Variants in CD2AP observed in about 807,000 individuals in gnomAD.
CD2AP encodes the protein CD2 associated protein.
A neutral mutation model predicts 85.1 loss-of-function variants in CD2AP; 46 were observed. The ratio of observed to expected loss-of-function variants is 0.54; its 90% CI spans 0.43 to 0.69. The LOEUF is 0.69. CD2AP is among the 30% of genes least tolerant of loss of function. CD2AP has a pLI of 0.00. For missense variants in CD2AP, 769 were observed against 729.5 expected (o/e 1.05, Z -0.62); for synonymous variants, 255 against 252.9 (o/e 1.01, Z -0.08).
At chr6:47,563,325 A>C (rs1767911533) in intron 5 of CD2AP, among the ~76,000 whole-genome samples, 1 of 152,244 alleles carries the variant, frequency 6.6e-6, no homozygotes, top group Admixed American at 6.5e-5. Context: ...AGATATTTCT[A>C]AATGTAATAC....
chr6:47,607,861 CAA>C, intron 14 of CD2AP, 64 bp from the exon 15 acceptor site: 1 of 1,072,790 alleles, frequency 9.3e-7, no homozygotes, highest in Non-Finnish European at 1.4e-6. Flanking sequence ...CTTTATTATC[CAA>C]AGACTTACTA....
intron 1 of CD2AP, among the ~76,000 whole-genome samples, chr6:47,485,509 TAAA>T: frequency 6.6e-6 from 1 of 152,304 alleles, no homozygotes; most frequent in African/African-American, 2.4e-5. Flanking sequence ...ACAAAAAAGT[TAAA>T]AAATTTATAA....
intron 4 of CD2AP, among the ~76,000 whole-genome samples, chr6:47,549,538 A>T (rs1188228489): frequency 6.6e-6 from 1 of 151,924 alleles, no homozygotes; most frequent in African/African-American, 2.4e-5. Context: ...AAGAAAAACT[A>T]CAAAAACCTG....
In CD2AP at chr6:47,624,263, T is replaced by C; in HGVS notation, c.*36T>C. 3 of 1,558,832 alleles carry C rather than the reference T, an allele frequency of 1.9e-6. No individual in the cohort carries two copies. The highest frequency in any genetic ancestry group is 2.7e-6 in the Non-Finnish European group (3 of 1,130,236). On this transcript the variant is annotated 3_prime_UTR_variant, in exon 18 of 18. Transcript: ENST00000359314. ...CCTGGTGTTCATAATGTTCCAGGGA[T>C]TCAGAAGCAACGCTATGAACTTCAG... is the stretch of plus-strand genomic sequence containing the variant.
intron 1 of CD2AP, among the ~76,000 whole-genome samples, chr6:47,502,807 A>G (rs1562005722): frequency 6.6e-6 from 1 of 151,908 alleles, no homozygotes. Context: ...TCCTGAGTTT[A>G]AGTGATCTGT....
At chr6:47,617,484 G>T (rs912385624) in intron 17 of CD2AP, among the ~76,000 whole-genome samples, 5 of 152,046 alleles carry the variant, frequency 3.3e-5, no homozygotes, top group African/African-American at 1.2e-4. Context: ...CTTAGATTTA[G>T]CATGTCCCCA....
At chr6:47,584,715 C>T (rs1333118419) in intron 11 of CD2AP, among the ~76,000 whole-genome samples, 1 of 151,902 alleles carries the variant, frequency 6.6e-6, no homozygotes, top group Non-Finnish European at 1.5e-5. Flanking sequence ...AAATATGCTG[C>T]ACAAACAATT....
At chr6:47,546,165 A>G (rs1213449984) in intron 4 of CD2AP, among the ~76,000 whole-genome samples, 1 of 152,192 alleles carries the variant, frequency 6.6e-6, no homozygotes, top group Non-Finnish European at 1.5e-5. Flanking sequence ...ATAAAAAATA[A>G]TCAAAACTTC....
chr6:47,531,683 A>G (rs868766790), intron 2 of CD2AP, among the ~76,000 whole-genome samples: 2 of 152,042 alleles, frequency 1.3e-5, no homozygotes, highest in Non-Finnish European at 1.5e-5. Context: ...TTAAAAAACT[A>G]TAGCTAGTAA....
chr6:47,526,960 T>C (rs1217867837), intron 2 of CD2AP, among the ~76,000 whole-genome samples: 1 of 152,158 alleles, frequency 6.6e-6, no homozygotes, highest in Non-Finnish European at 1.5e-5. Flanking sequence ...GTGAGGTTGA[T>C]GGGTGTTATT....
intron 1 of CD2AP, among the ~76,000 whole-genome samples, chr6:47,491,261 G>A (rs1015052994): frequency 1.4e-4 from 16 of 114,366 alleles, no homozygotes; most frequent in Non-Finnish European, 1.9e-4. Context: ...TTCCTGATAT[G>A]TGTGTGTGTA....
At position 47,624,860 on chromosome 6, in the gene CD2AP, CA is replaced by C. The variant is rs1023005466; in HGVS notation, c.*634del. 1.3e-5 allele frequency: 2 copies of C among 151,822 alleles called. No individual in the cohort carries two copies. Among genetic ancestry groups the C allele is most frequent in the African/African-American group, 4.8e-5 (2 of 41,386 alleles). 9.4% of individuals were successfully genotyped at this position (151,822 alleles called of 1,614,324 possible). A position where few individuals can be genotyped will look rare whatever the true frequency, so the allele number is the denominator to read the frequency against. On this transcript the variant is annotated 3_prime_UTR_variant, in exon 18 of 18. Coordinates refer to ENST00000359314, the MANE Select transcript of CD2AP (RefSeq NM_012120.3). ...ATATAAACCAGATTACTCACCCATG[CA>C]TATAGTAAGAACTAATGAATAATCA...
At chr6:47,481,431 C>T (rs1327693580) in intron 1 of CD2AP, among the ~76,000 whole-genome samples, 4 of 152,006 alleles carry the variant, frequency 2.6e-5, no homozygotes, top group South Asian at 2.1e-4. Flanking sequence ...CCGCAACCTC[C>T]GCCTCCTGGG....
At chr6:47,480,412 T>G (rs1001740848) in intron 1 of CD2AP, among the ~76,000 whole-genome samples, 3 of 152,094 alleles carry the variant, frequency 2.0e-5, no homozygotes, top group African/African-American at 7.2e-5. Context: ...AATCTGAAAT[T>G]TTTTTTGTGT....
chr6:47,619,393 G>A (rs904206076), intron 17 of CD2AP, among the ~76,000 whole-genome samples: 1 of 152,208 alleles, frequency 6.6e-6, no homozygotes, highest in Admixed American at 6.5e-5. Context: ...CACTGCAGAT[G>A]CTGTTAATTC....
intron 1 of CD2AP, among the ~76,000 whole-genome samples, chr6:47,491,545 A>T (rs1462833653): frequency 6.6e-6 from 1 of 152,056 alleles, no homozygotes; most frequent in African/African-American, 2.4e-5. Context: ...TGCCATTGTG[A>T]TATTTATCTG....
At chr6:47,579,339 A>AAAG (rs1554181522) in intron 8 of CD2AP, 46 bp from the exon 9 acceptor site, 1 of 1,216,500 alleles carries the variant, frequency 8.2e-7, no homozygotes, top group Admixed American at 1.7e-5. Context: ...TATCTTAAAA[A>AAAG]AAAAAAAAAG....
At chr6:47,591,659 C>A (rs1279860713) in intron 11 of CD2AP, among the ~76,000 whole-genome samples, 1 of 152,194 alleles carries the variant, frequency 6.6e-6, no homozygotes, top group Admixed American at 6.5e-5. Context: ...CATTGACCCT[C>A]ATCTGAATTA....
At chr6:47,591,712 G>A (rs941842063) in intron 11 of CD2AP, among the ~76,000 whole-genome samples, 17 of 152,000 alleles carry the variant, frequency 1.1e-4, no homozygotes, top group African/African-American at 2.2e-4. Context: ...GTAATGTATT[G>A]CTATATTCTG....
Sources: gnomAD v4.1 joint callset for allele counts (sites outside exome capture counted in the v4.1 genomes callset) on GRCh38, gnomAD v4.1.1 for gene constraint, MANE v1.5 for transcripts, NCBI Gene and HGNC (gene_info 2026-07-23, HGNC 2026-07-21) for gene names.